The following GALNT13 variants were observed in gnomAD, a reference collection of about 807,000 sequenced individuals.
GALNT13 encodes the protein UDP-GalNAc:polypeptide N-acetylgalactosaminyltransferase 13.
A neutral mutation model predicts 64.2 loss-of-function variants in GALNT13; 28 were observed. That is an observed-to-expected ratio of 0.44 (90% CI 0.32 to 0.60). The LOEUF (loss-of-function observed/expected upper bound fraction) is 0.60. Ranked by LOEUF, GALNT13 falls within the 20% of genes least tolerant of loss-of-function variation. The probability of loss-of-function intolerance (pLI) is 0.05; values close to 1 mark genes in which losing one functional copy is unlikely to be tolerated. For synonymous variants in GALNT13, 214 were observed against 224.6 expected (o/e 0.95, Z 0.42); for missense variants, 577 against 669.8 (o/e 0.86, Z 1.53).
chr2:154,292,845 A>C (rs1480748565), intron 8 of GALNT13, among the ~76,000 whole-genome samples: 1 of 152,206 alleles, frequency 6.6e-6, no homozygotes, highest in African/African-American at 2.4e-5. Flanking sequence ...CTGACATTGC[A>C]AAGTGGAGCT....
At chr2:154,316,178 T>C (rs1163130776) in intron 9 of GALNT13, among the ~76,000 whole-genome samples, 2 of 152,196 alleles carry the variant, frequency 1.3e-5, no homozygotes, top group Non-Finnish European at 2.9e-5. Flanking sequence ...AGAATGATAC[T>C]ATTATTATTA....
At chr2:153,657,915 T>G in the GALNT13 span, among the ~76,000 whole-genome samples, 4 of 152,124 alleles carry the variant, frequency 2.6e-5, no homozygotes, top group African/African-American at 4.8e-5. Context: ...GCCAACATTC[T>G]TCAATTGATG....
intron 12 of GALNT13, chr2:154,446,506 T>C (rs2105496197): frequency 7.0e-7 from 1 of 1,438,654 alleles, no homozygotes; most frequent in Non-Finnish European, 9.3e-7. Flanking sequence ...CCTAGGATGA[T>C]TGATTTATTA....
At chr2:153,594,581 A>G in the GALNT13 span, among the ~76,000 whole-genome samples, 1 of 152,074 alleles carries the variant, frequency 6.6e-6, no homozygotes, top group Non-Finnish European at 1.5e-5. Context: ...CTATATGCTG[A>G]AACTCTAATA....
the GALNT13 span, among the ~76,000 whole-genome samples, chr2:153,418,585 T>C: frequency 1.3e-4 from 20 of 152,196 alleles, no homozygotes; most frequent in Non-Finnish European, 2.6e-4. Flanking sequence ...TCAAGTAAGA[T>C]AAAGCCTGAG....
At chr2:153,630,787 ATATATATATATATATATATAT>A in the GALNT13 span, among the ~76,000 whole-genome samples, 6 of 10,708 alleles carry the variant, frequency 5.6e-4, no homozygotes, top group East Asian at 9.6e-3. Flanking sequence ...ATATATATAT[ATATATATATATATATATATAT>A]TTTTTTTTTT....
intron 4 of GALNT13, among the ~76,000 whole-genome samples, chr2:154,217,442 AT>A (rs983967646): frequency 1.3e-5 from 2 of 152,054 alleles, no homozygotes; most frequent in African/African-American, 2.4e-5. Flanking sequence ...TATCAACAAC[AT>A]TTTTTTAAGT....
At chr2:154,146,810 A>G (rs993666980) in intron 4 of GALNT13, among the ~76,000 whole-genome samples, 6 of 151,994 alleles carry the variant, frequency 3.9e-5, no homozygotes, top group African/African-American at 1.4e-4. Context: ...AGAGTTTCCC[A>G]CCTTAGAAGC....
At chr2:153,561,998 G>GCCC in the GALNT13 span, among the ~76,000 whole-genome samples, 1 of 145,966 alleles carries the variant, frequency 6.9e-6, no homozygotes, top group Non-Finnish European at 1.5e-5. Flanking sequence ...TCACACTTTT[G>GCCC]CCCCTTTTCT....
chr2:154,411,125 A>C (rs1190330939), intron 11 of GALNT13, among the ~76,000 whole-genome samples: 1 of 151,860 alleles, frequency 6.6e-6, no homozygotes, highest in Non-Finnish European at 1.5e-5. Flanking sequence ...ATTGCCAAGA[A>C]ATAATGAGCT....
the GALNT13 span, chr2:153,446,972 C>A: frequency 6.6e-6 from 1 of 152,066 alleles, no homozygotes; most frequent in East Asian, 1.9e-4. Flanking sequence ...ACGAATATTC[C>A]GTGAGACATT....
At chr2:153,149,776 G>A in the GALNT13 span, among the ~76,000 whole-genome samples, 1 of 151,752 alleles carries the variant, frequency 6.6e-6, no homozygotes, top group East Asian at 1.9e-4. Flanking sequence ...AATTTTAGCT[G>A]TTAATACGGT....
chr2:153,148,682 G>A, the GALNT13 span, among the ~76,000 whole-genome samples: 1 of 151,706 alleles, frequency 6.6e-6, no homozygotes, highest in Non-Finnish European at 1.5e-5. Flanking sequence ...AGATTCCATT[G>A]CTTGTTAAGA....
At chr2:153,717,417 T>A in the GALNT13 span, among the ~76,000 whole-genome samples, 12 of 152,332 alleles carry the variant, frequency 7.9e-5, no homozygotes, top group African/African-American at 2.9e-4. Flanking sequence ...ACTTCTAAAC[T>A]CTTGCAGGAT....
chr2:154,263,518 G>C (rs571240067), intron 8 of GALNT13, among the ~76,000 whole-genome samples: 159 of 152,016 alleles, frequency 1.0e-3, no homozygotes, highest in Non-Finnish European at 1.5e-3. Context: ...AGAATGTAGA[G>C]AAAAAGTCAT....
At chr2:153,401,933 A>G in the GALNT13 span, among the ~76,000 whole-genome samples, 66 of 149,976 alleles carry the variant, frequency 4.4e-4, no homozygotes, top group Non-Finnish European at 6.5e-4. Flanking sequence ...TTACATTTAA[A>G]GTTAATATTG....
chr2:153,417,359 G>T, the GALNT13 span, among the ~76,000 whole-genome samples: 1 of 152,200 alleles, frequency 6.6e-6, no homozygotes, highest in African/African-American at 2.4e-5. Context: ...CTCAGAGTGA[G>T]AGGAGGTCAC....
chr2:153,874,208 G>A (rs1211810378), intron 1 of GALNT13, among the ~76,000 whole-genome samples: 5 of 149,650 alleles, frequency 3.3e-5, no homozygotes, highest in Non-Finnish European at 7.4e-5. Context: ...GAGAATTTGC[G>A]TAGCCTAAGG....
intron 11 of GALNT13, among the ~76,000 whole-genome samples, chr2:154,411,845 A>G (rs989879008): frequency 6.6e-6 from 1 of 151,740 alleles, no homozygotes; most frequent in African/African-American, 2.4e-5. Flanking sequence ...GATCTGATTA[A>G]TTGGGTAACT....
Sources: gnomAD v4.1 joint callset for allele counts (sites outside exome capture counted in the v4.1 genomes callset) on GRCh38, gnomAD v4.1.1 for gene constraint, MANE v1.5 for transcripts, NCBI Gene and HGNC (gene_info 2026-07-23, HGNC 2026-07-21) for gene names.